The following MYO9A variants were observed in gnomAD, a reference collection of about 807,000 sequenced individuals.
The protein encoded by MYO9A is unconventional myosin-IXa.
A neutral mutation model predicts 293.3 loss-of-function variants in MYO9A; 103 were observed. That is an observed-to-expected ratio of 0.35 (90% CI 0.30 to 0.41). The LOEUF is 0.41. MYO9A is among the 10% of genes least tolerant of loss of function. The probability of loss-of-function intolerance (pLI) is 1.00; values close to 1 mark genes in which losing one functional copy is unlikely to be tolerated. For missense variants in MYO9A, 2,685 were observed against 3,033.0 expected (o/e 0.89, Z 2.69); for synonymous variants, 1,001 against 1,035.7 (o/e 0.97, Z 0.64).
At chr15:72,097,328 T>A (rs1389021613) in intron 1 of MYO9A, among the ~76,000 whole-genome samples, 1 of 152,272 alleles carries the variant, frequency 6.6e-6, no homozygotes, top group African/African-American at 2.4e-5. Context: ...GTAAAGAACC[T>A]CCACCAGCAA....
intron 14 of MYO9A, among the ~76,000 whole-genome samples, chr15:71,952,224 T>C (rs914258519): frequency 2.4e-4 from 36 of 152,324 alleles, no homozygotes; most frequent in South Asian, 2.1e-4. Context: ...AAAGGACTTA[T>C]TTTTATCAGG....
intron 8 of MYO9A, among the ~76,000 whole-genome samples, chr15:72,004,813 A>T (rs969527233): frequency 1.6e-4 from 24 of 152,238 alleles, no homozygotes; most frequent in Non-Finnish European, 1.5e-5. Flanking sequence ...TGCCTCAGGT[A>T]ACTACAAAAA....
intron 1 of MYO9A, among the ~76,000 whole-genome samples, chr15:72,078,273 C>T (rs1268818740): frequency 8.6e-5 from 13 of 151,742 alleles, no homozygotes; most frequent in African/African-American, 2.9e-4. Context: ...GTGGGAGGAA[C>T]GCTTGAGCCT....
chr15:72,050,166 T>G (rs2078512895), intron 1 of MYO9A, among the ~76,000 whole-genome samples: 1 of 151,928 alleles, frequency 6.6e-6, no homozygotes, highest in African/African-American at 2.4e-5. Context: ...TTTTGTTTTT[T>G]TTTTTACAAA....
intron 18 of MYO9A, among the ~76,000 whole-genome samples, chr15:71,932,311 T>G (rs2058500748): frequency 6.6e-6 from 1 of 152,224 alleles, no homozygotes; most frequent in Non-Finnish European, 1.5e-5. Context: ...TTGTTTTCAG[T>G]GGTCTAGAGA....
At chr15:72,018,704 T>C (rs1294921159) in intron 6 of MYO9A, among the ~76,000 whole-genome samples, 1 of 151,870 alleles carries the variant, frequency 6.6e-6, no homozygotes, top group Admixed American at 6.6e-5. Flanking sequence ...TTTTAAAAAA[T>C]AAAAGGGGAA....
rs540612347 is a variant in MYO9A at position 71,822,527 on chromosome 15, T to G, written c.*4053A>C. 29 of 152,348 alleles carry G rather than the reference T, an allele frequency of 1.9e-4. 1 individual carries two copies. Among genetic ancestry groups the G allele is most frequent in the Admixed American group, 7.2e-4 (11 of 15,306 alleles). 9.4% of individuals were successfully genotyped at this position (152,348 alleles called of 1,614,324 possible). A position where few individuals can be genotyped will look rare whatever the true frequency, so the allele number is the denominator to read the frequency against. On this transcript the variant is annotated 3_prime_UTR_variant, in exon 42 of 42. Transcript: ENST00000356056. ...TGGGTGAGATAAATCATTCTTCTTATAGAATTATTCTATTAAACAGTAAAA... is the reference window on the plus strand; with the variant it reads ...TGGGTGAGATAAATCATTCTTCTTAGAGAATTATTCTATTAAACAGTAAAA...
chr15:72,071,151 A>G (rs1229495776), intron 1 of MYO9A, among the ~76,000 whole-genome samples: 1 of 152,254 alleles, frequency 6.6e-6, no homozygotes, highest in Non-Finnish European at 1.5e-5. Context: ...CAAACTATGC[A>G]TCTGACAAGA....
At chr15:71,962,733 A>G (rs1261966539) in intron 13 of MYO9A, among the ~76,000 whole-genome samples, 1 of 152,226 alleles carries the variant, frequency 6.6e-6, no homozygotes, top group Non-Finnish European at 1.5e-5. Flanking sequence ...AAGGTCAAAG[A>G]GACAATAAGT....
At chr15:71,982,609 G>A (rs766946319) in intron 11 of MYO9A, among the ~76,000 whole-genome samples, 1 of 152,170 alleles carries the variant, frequency 6.6e-6, no homozygotes, top group Non-Finnish European at 1.5e-5. Context: ...CCTAAGGGCA[G>A]GAAACTGACA....
At chr15:72,019,955 T>C (rs1172331496) in intron 5 of MYO9A, among the ~76,000 whole-genome samples, 1 of 152,152 alleles carries the variant, frequency 6.6e-6, no homozygotes, top group Non-Finnish European at 1.5e-5. Context: ...TTTCACGATG[T>C]TGGCCAGGCT....
intron 1 of MYO9A, among the ~76,000 whole-genome samples, chr15:72,067,064 AATC>A (rs1274798191): frequency 2.8e-5 from 4 of 144,878 alleles, no homozygotes; most frequent in African/African-American, 1.0e-4. Context: ...ATATATAGGT[AATC>A]ATTAGCAATA....
intron 39 of MYO9A, among the ~76,000 whole-genome samples, chr15:71,847,017 G>A (rs915159485): frequency 1.3e-5 from 2 of 152,226 alleles, no homozygotes; most frequent in African/African-American, 4.8e-5. Flanking sequence ...GATGCTGAAA[G>A]TAATAGTAAG....
At chr15:71,899,090 C>A in intron 24 of MYO9A, 58 bp from the exon 25 acceptor site, 2 of 1,404,992 alleles carry the variant, frequency 1.4e-6, no homozygotes, top group Non-Finnish European at 9.6e-7. Context: ...CTGAAAATAA[C>A]ATATTTCCTG....
chr15:71,935,250 A>G, intron 17 of MYO9A, 91 bp downstream of exon 17: 1 of 1,324,706 alleles, frequency 7.5e-7, no homozygotes, highest in Non-Finnish European at 1.0e-6. Flanking sequence ...ACATTTCACC[A>G]TCTTCCTTCT....
chr15:72,117,055 A>G (rs1431432876), intron 1 of MYO9A: 2 of 152,332 alleles, frequency 1.3e-5, no homozygotes, highest in Middle Eastern at 3.2e-3. Context: ...AAGGAGAAAG[A>G]TAACAAGGTT....
Position 71,852,162 on chromosome 15 carries a change from C to T in MYO9A, c.6445G>A (p.Glu2149Lys), listed in dbSNP as rs1480125898. 3 of 1,613,362 alleles carry T rather than the reference C, an allele frequency of 1.9e-6. No individual in the cohort carries two copies. The Admixed American group carries it at 5.0e-5, about 27-fold the overall frequency. Reference protein sequence around the residue: ...RDLPNPLMTFELYEEFLRAMG... With the variant: ...RDLPNPLMTFKLYEEFLRAMG... ...GCTCGAAGAAATTCCTCATAGAGTTCAAAGGTCATGAGAGGATTGGGCAAA... is the reference window on the plus strand; with the variant it reads ...GCTCGAAGAAATTCCTCATAGAGTTTAAAGGTCATGAGAGGATTGGGCAAA... The change falls in exon 36 of 42, where the codon GAA (glutamate) becomes AAA (lysine). Residue 2149 changes from glutamate to lysine, a missense_variant. This residue lies in a region of MYO9A where 238 missense variants were observed against 269.1 expected (regional missense o/e 0.88). Transcript: ENST00000356056.
At chr15:71,912,689 T>C (rs933511948) in intron 19 of MYO9A, among the ~76,000 whole-genome samples, 1 of 152,262 alleles carries the variant, frequency 6.6e-6, no homozygotes, top group Non-Finnish European at 1.5e-5. Flanking sequence ...ATATTATAGA[T>C]CTGCTGGTAA....
chr15:71,937,311 TG>T (rs1041026206), intron 16 of MYO9A, among the ~76,000 whole-genome samples: 10 of 152,228 alleles, frequency 6.6e-5, no homozygotes, highest in Admixed American at 4.6e-4. Context: ...AAATCTTTCC[TG>T]TAAGGAAGAG....
Sources: allele counts gnomAD v4.1 joint callset (sites outside exome capture counted in the v4.1 genomes callset), GRCh38; gene constraint gnomAD v4.1.1; regional missense constraint gnomAD v4.1.1; transcripts MANE v1.5; gene names NCBI Gene and HGNC (gene_info 2026-07-23, HGNC 2026-07-21).